TCOF1: variants seen among roughly 807,000 people sequenced by gnomAD.
The protein encoded by TCOF1 is treacle ribosome biogenesis factor 1.
TCOF1 carries 33 observed loss-of-function variants against 149.0 expected under a neutral mutation model. The observed-to-expected ratio is 0.22, with a 90% confidence interval of 0.17 to 0.30. TCOF1 has a LOEUF of 0.30. Ranked by LOEUF, TCOF1 falls within the 10% of genes least tolerant of loss-of-function variation. The probability of loss-of-function intolerance (pLI) is 1.00; values close to 1 mark genes in which losing one functional copy is unlikely to be tolerated. For synonymous variants in TCOF1, 789 were observed against 738.8 expected, an observed-to-expected ratio of 1.07 and a Z score of -1.10; for missense variants, 1,728 against 1,840.7, an observed-to-expected ratio of 0.94 and a Z score of 1.12.
At chr5:150,367,731 C>CT in intron 3 of TCOF1, 113 bp from the exon 4 acceptor site, 1 of 1,250,746 alleles carries the variant, frequency 8.0e-7, no homozygotes, top group Non-Finnish European at 1.1e-6. Flanking sequence ...GATCCTCATG[C>CT]CAGCACCAGG....
At chr5:150,368,973 T>C (rs1301614287) in intron 5 of TCOF1, 71 bp downstream of exon 5, 14 of 1,581,654 alleles carry the variant, frequency 8.9e-6, no homozygotes, top group African/African-American at 1.3e-5. Flanking sequence ...AGGCATTGCT[T>C]TAAGTTCTGG....
chr5:150,392,862 C>CG (rs1767728284), intron 22 of TCOF1, 72 bp downstream of exon 22: 1 of 1,544,048 alleles, frequency 6.5e-7, no homozygotes, highest in East Asian at 2.3e-5. Flanking sequence ...CCTGTCTACC[C>CG]GATCCCTCAG....
At chr5:150,397,633 G>A (rs570176542) in intron 24 of TCOF1, among the ~76,000 whole-genome samples, 1 of 152,282 alleles carries the variant, frequency 6.6e-6, no homozygotes, top group African/African-American at 2.4e-5. Context: ...CGCCCTGGAC[G>A]GTGGGTTGCC....
At position 150,396,457 on chromosome 5, in the gene TCOF1, G is replaced by A. The variant is rs777507843; in HGVS notation, c.3960G>A (p.Leu1320=). Residue 1320 remains leucine, a synonymous_variant, in exon 24 of 27, where the codon CTG becomes CTA. Coordinates refer to ENST00000643257, the MANE Select transcript of TCOF1 (RefSeq NM_001371623.1). The part of the protein sequence containing the change: ...AQVQASVVKV[L]TELLEQERKK... ...TGCAGGCCTCAGTGGTGAAGGTCCT[G>A]ACTGAGCTGCTGGAACAGGAAAGAA... The A allele has an allele frequency of 1.7e-5, 28 of 1,614,038 alleles. No individual in the cohort carries two copies. The highest frequency in any genetic ancestry group is 2.3e-5 in the Non-Finnish European group (27 of 1,180,026).
Position 150,365,845 on chromosome 5 carries a change from G to A in TCOF1, c.304+1593G>A, listed in dbSNP as rs142901571. ...TAAAAGTCTTCACTGGGTTGGGCAT[G>A]GTGGCTCACACCCACCGGTAATCCC... On this transcript the variant is annotated intron_variant, in intron 3 of 26. Coordinates refer to ENST00000643257, the MANE Select transcript of TCOF1 (RefSeq NM_001371623.1). Among the ~76,000 whole-genome samples the A allele has an allele frequency of 2.5e-3, 378 of 152,142 alleles. 1 individual carries two copies. The highest frequency in any genetic ancestry group is 8.7e-3 in the African/African-American group (363 of 41,500).
Position 150,375,570 on chromosome 5 carries a change from G to T in TCOF1, c.1704+16G>T. The T allele has an allele frequency of 6.2e-7, 1 of 1,613,990 alleles. No individual in the cohort carries two copies. The highest frequency in any genetic ancestry group is 1.1e-5 in the South Asian group (1 of 91,070). On this transcript the variant is annotated intron_variant, in intron 11 of 26. Transcript: ENST00000643257. ...CCCGGCTCAGGTGAGGCCCCTTCCT[G>T]TAAGGCTCTTTCTTTTTCCCCCCCA...
At chr5:150,364,564 C>G (rs1478445730) in intron 3 of TCOF1, among the ~76,000 whole-genome samples, 1 of 152,170 alleles carries the variant, frequency 6.6e-6, no homozygotes, top group Admixed American at 6.5e-5. Context: ...AGAAGACACA[C>G]GTTCAGAAGT....
rs1019440627 is a variant in TCOF1 at position 150,361,319 on chromosome 5, T to C, written c.164+108T>C. The C allele has an allele frequency of 1.7e-5, 23 of 1,323,758 alleles. No individual in the cohort carries two copies. In the African/African-American group the frequency reaches 2.3e-4, roughly 13 times the overall value. 82.0% of individuals were successfully genotyped at this position (1,323,758 alleles called of 1,614,324 possible). On this transcript the variant is annotated intron_variant, in intron 2 of 26. Transcript: ENST00000643257. ...TCTAAGATCTGTCCCCATAGCCCAC[T>C]GTGGACACCATTGTTGCCTCCAGAA...
chr5:150,379,916 A>G (rs1764703913), intron 17 of TCOF1, 184 bp downstream of exon 17: 13 of 678,992 alleles, frequency 1.9e-5, no homozygotes, highest in South Asian at 1.1e-4. Flanking sequence ...TACTAAAAAT[A>G]TAAAAATTAG....
At chr5:150,359,262 A>T (rs952172696) in intron 1 of TCOF1, among the ~76,000 whole-genome samples, 3 of 148,640 alleles carry the variant, frequency 2.0e-5, no homozygotes, top group Non-Finnish European at 3.0e-5. Flanking sequence ...CAGGAGAATC[A>T]CTTGAACCCA....
chr5:150,392,585 G>C lies in TCOF1; in HGVS notation c.3518-120G>C, dbSNP rs1034081069. 4 of 907,164 alleles carry C rather than the reference G, an allele frequency of 4.4e-6. No homozygotes were observed. The Admixed American group carries it at 6.0e-5, about 14-fold the overall frequency. The allele number at this position is 907,164 out of a possible 1,614,324, so 56.2% of individuals were successfully genotyped here. Reference sequence around the variant, plus strand: ...AAGCAGTAGGAAGACTTGTGGTGAGGCGGGGCAGGGGATGGGGGTGAGGGA... The same window carrying C: ...AAGCAGTAGGAAGACTTGTGGTGAGCCGGGGCAGGGGATGGGGGTGAGGGA... On this transcript the variant is annotated intron_variant, in intron 21 of 26. Coordinates refer to ENST00000643257, the MANE Select transcript of TCOF1 (RefSeq NM_001371623.1).
Position 150,372,129 on chromosome 5 carries a change from G to C in TCOF1, c.763G>C (p.Gly255Arg). 1.2e-6 allele frequency: 2 copies of C among 1,614,232 alleles called. No individual in the cohort carries two copies. Among genetic ancestry groups the C allele is most frequent in the Non-Finnish European group, 1.7e-6 (2 of 1,180,032 alleles). ...GGATGTGACACCCCAGGTCAAAGGA[G>C]GGGCCCTGCCCCCAGCCAAGAGGGC... ...VGDVTPQVKG[G>R]ALPPAKRAKK... The change falls in exon 7 of 27, where the codon GGG (glycine) becomes CGG (arginine). Residue 255 changes from glycine (G) to arginine (R), a missense_variant. Physicochemically the swap from Gly to Arg is moderately radical, Grantham distance 125. This residue lies in a region of TCOF1 where 1,696 missense variants were observed against 1,765.4 expected (regional missense o/e 0.96). Coordinates refer to ENST00000643257, the MANE Select transcript of TCOF1 (RefSeq NM_001371623.1).
chr5:150,392,893 C>G, intron 22 of TCOF1, 103 bp downstream of exon 22: 3 of 1,384,920 alleles, frequency 2.2e-6, no homozygotes, highest in South Asian at 1.2e-5. Flanking sequence ...TGGGTCCCCT[C>G]TCTTCACAGA....
In TCOF1 at chr5:150,392,196, G is replaced by A; in HGVS notation, c.3517+20G>A. On this transcript the variant is annotated intron_variant, in intron 21 of 26. Coordinates refer to ENST00000643257, the MANE Select transcript of TCOF1 (RefSeq NM_001371623.1). ...CGCTGGGTGAGGGTGCCAGGGGAAA[G>A]GCAAGGGTGGGCCAGGAAGAGGGTG... is the stretch of plus-strand genomic sequence containing the variant. The A allele has an allele frequency of 1.9e-6, 3 of 1,611,188 alleles. No individual in the cohort carries two copies. Among genetic ancestry groups the A allele is most frequent in the Non-Finnish European group, 2.5e-6 (3 of 1,178,294 alleles).
At chr5:150,396,221 G>A in intron 23 of TCOF1, 61 bp from the exon 24 acceptor site, 3 of 1,588,376 alleles carry the variant, frequency 1.9e-6, no homozygotes, top group South Asian at 1.1e-5. Flanking sequence ...TCGCTCTTAG[G>A]TACCATAAGA....
chr5:150,377,682 C>G (rs1032032899), intron 14 of TCOF1, among the ~76,000 whole-genome samples: 1 of 152,000 alleles, frequency 6.6e-6, no homozygotes, highest in Non-Finnish European at 1.5e-5. Flanking sequence ...TGCAGGGGCC[C>G]CTTCCAGAGC....
chr5:150,384,957 C>T (rs566053751), intron 17 of TCOF1: 1 of 985,400 alleles, frequency 1.0e-6, no homozygotes, highest in Non-Finnish European at 1.2e-6. Flanking sequence ...GGATAGATAC[C>T]TTGGCTCCAT....
chr5:150,364,286 G>C, intron 3 of TCOF1, 34 bp downstream of exon 3: 2 of 1,613,656 alleles, frequency 1.2e-6, no homozygotes, highest in African/African-American at 1.3e-5. Flanking sequence ...ACAGGCTATG[G>C]AATATTGATT....
Position 150,367,892 on chromosome 5 carries a change from C to T in TCOF1, c.353C>T (p.Pro118Leu). 1.2e-6 allele frequency: 2 copies of T among 1,614,180 alleles called. No homozygotes were observed. The highest frequency in any genetic ancestry group is 2.2e-5 in the South Asian group (2 of 91,082). ...TCCTCAGTCCTGGGGGCGGACTTGC[C>T]ATCAAGCATGAAAGAAAAAGCCAAG... ...TNSSVLGADL[P>L]SSMKEKAKAE... The change falls in exon 4 of 27, where the codon CCA becomes CTA. Residue 118 changes from proline (P) to leucine (L), a missense_variant. Pro to Leu is a moderately conservative substitution (Grantham distance 98). Transcript: ENST00000643257.
Sources: allele counts gnomAD v4.1 joint callset (sites outside exome capture counted in the v4.1 genomes callset), GRCh38; gene constraint gnomAD v4.1.1; regional missense constraint gnomAD v4.1.1; transcripts MANE v1.5; gene names NCBI Gene and HGNC (gene_info 2026-07-23, HGNC 2026-07-21).